Variants in RBFOX1 observed in about 807,000 individuals in gnomAD.
RBFOX1 encodes the protein RNA binding protein fox-1 homolog 1.
In RBFOX1, 8 loss-of-function variants were observed where a neutral mutation model predicts 57.7. The ratio of observed to expected loss-of-function variants is 0.14; its 90% CI spans 0.08 to 0.25. The LOEUF (loss-of-function observed/expected upper bound fraction) is 0.25, where lower values mean the gene tolerates loss of function less well. Among genes scored for constraint, RBFOX1 ranks in the 10% least tolerant of loss-of-function variants. RBFOX1 has a pLI of 1.00. For synonymous variants in RBFOX1, 326 were observed against 222.4 expected (o/e 1.47, Z -4.15); for missense variants, 611 against 548.5 (o/e 1.11, Z -1.14).
chr16:6,532,726 C>T (rs1261004375), intron 2 of RBFOX1, among the ~76,000 whole-genome samples: 2 of 152,128 alleles, frequency 1.3e-5, no homozygotes, highest in Non-Finnish European at 2.9e-5. Context: ...GACTCCATTC[C>T]CATTTGTCTG....
rs1168243107 is a variant in RBFOX1 at position 6,464,202 on chromosome 16, A to G, written c.-64+147145A>G. 2.0e-5 allele frequency among the ~76,000 whole-genome samples: 3 copies of G among 152,234 alleles called. No homozygotes were observed. In the South Asian group the frequency reaches 6.2e-4, roughly 32 times the overall value. On this transcript the variant is annotated intron_variant, in intron 2 of 15. Coordinates refer to ENST00000550418, the MANE Select transcript of RBFOX1 (RefSeq NM_018723.4). ...ATGAGATGCGATCTTTACAACTTGA[A>G]TTGGCAAAGATTAACAAGTTGCTAA...
chr16:7,127,741 C>A (rs1227556821), intron 4 of RBFOX1, among the ~76,000 whole-genome samples: 1 of 152,176 alleles, frequency 6.6e-6, no homozygotes, highest in Non-Finnish European at 1.5e-5. Flanking sequence ...GAGCTTTTAT[C>A]TTCTGCATTC....
intron 4 of RBFOX1, among the ~76,000 whole-genome samples, chr16:7,300,057 C>G (rs2095994840): frequency 6.6e-6 from 1 of 152,100 alleles, no homozygotes; most frequent in South Asian, 2.1e-4. Context: ...TGCATTTTTT[C>G]AGAGCAAGTG....
chr16:7,532,558 A>G (rs1427803279), intron 5 of RBFOX1, among the ~76,000 whole-genome samples: 1 of 152,166 alleles, frequency 6.6e-6, no homozygotes, highest in African/African-American at 2.4e-5. Context: ...CTCCTTGCCT[A>G]GTCTAGCTGT....
At chr16:5,938,734 C>T (rs1207263544) in intron 4 of RBFOX1, among the ~76,000 whole-genome samples, 1 of 152,168 alleles carries the variant, frequency 6.6e-6, no homozygotes, top group East Asian at 1.9e-4. Flanking sequence ...GTGACACCAT[C>T]ACAACCTCCA....
chr16:7,190,350 G>T (rs771191797), intron 4 of RBFOX1, among the ~76,000 whole-genome samples: 1 of 152,030 alleles, frequency 6.6e-6, no homozygotes, highest in African/African-American at 2.4e-5. Context: ...CAGAGACTCC[G>T]CCTCAAACAT....
intron 3 of RBFOX1, among the ~76,000 whole-genome samples, chr16:5,619,082 T>G (rs1383487223): frequency 6.6e-6 from 1 of 152,202 alleles, no homozygotes; most frequent in Non-Finnish European, 1.5e-5. Flanking sequence ...CACCGTAGTT[T>G]GTGCCTGATT....
At chr16:5,470,992 C>T (rs1222867679) in intron 2 of RBFOX1, among the ~76,000 whole-genome samples, 1 of 152,148 alleles carries the variant, frequency 6.6e-6, no homozygotes, top group Admixed American at 6.5e-5. Context: ...GCTGGGATGA[C>T]AGGTGCCTGC....
chr16:5,956,061 A>G (rs952908997), intron 4 of RBFOX1, among the ~76,000 whole-genome samples: 7 of 152,112 alleles, frequency 4.6e-5, no homozygotes, highest in African/African-American at 1.4e-4. Flanking sequence ...CAAGATCACA[A>G]GAGCAGGAGT....
At chr16:5,871,877 G>A (rs889034840) in intron 4 of RBFOX1, among the ~76,000 whole-genome samples, 1 of 152,108 alleles carries the variant, frequency 6.6e-6, no homozygotes, top group East Asian at 1.9e-4. Context: ...CAAAGCAATC[G>A]AACTGAGATT....
At chr16:7,534,683 G>A (rs2048093) in intron 5 of RBFOX1, among the ~76,000 whole-genome samples, 81,156 of 152,032 alleles carry the variant, frequency 0.53, 26,316 homozygotes, top group Non-Finnish European at 0.74. Context: ...AATGTATTTA[G>A]CCGGGGGAAT....
intron 3 of RBFOX1, among the ~76,000 whole-genome samples, chr16:6,802,471 G>A (rs929435696): frequency 1.4e-4 from 21 of 152,152 alleles, no homozygotes; most frequent in African/African-American, 5.1e-4. Context: ...GAGGTCAGGA[G>A]TTTGAGACCA....
chr16:5,808,634 C>T lies in RBFOX1; in HGVS notation c.319-58669C>T, dbSNP rs534972437. On this transcript the variant is annotated intron_variant, in intron 3 of 19. Transcript: ENST00000641259. ...TAGTTCTCCTTGAAGAGGTCCTTTA[C>T]GTCCCTTGTAAGTTGGATTCCTAGG... 4.4e-4 allele frequency among the ~76,000 whole-genome samples: 67 copies of T among 152,244 alleles called. 1 individual carries two copies. In the East Asian group the frequency reaches 0.011, roughly 25 times the overall value.
At chr16:6,503,205 A>AT (rs1046942525) in intron 2 of RBFOX1, among the ~76,000 whole-genome samples, 3 of 33,804 alleles carry the variant, frequency 8.9e-5, no homozygotes, top group South Asian at 1.3e-3. Context: ...TTTTCATAAC[A>AT]TTTTTTTAAT....
Position 6,522,154 on chromosome 16 carries a change from A to AGTGTGTGTGT in RBFOX1, c.-63-132416_-63-132407dup, listed in dbSNP as rs35360830. Among the ~76,000 whole-genome samples the AGTGTGTGTGT allele has an allele frequency of 3.3e-3, 465 of 142,844 alleles. 5 individuals carry two copies. Among genetic ancestry groups the AGTGTGTGTGT allele is most frequent in the African/African-American group, 0.01 (398 of 38,530 alleles). The allele number at this position is 142,844 out of a possible 152,430, so 93.7% of individuals were successfully genotyped here. On this transcript the variant is annotated intron_variant, in intron 2 of 15. Transcript: ENST00000550418. ...TTTTAATGGCACTCTGGGGACCCAC[A>AGTGTGTGTGT]GTGTGTGTGTGTGTGTGTGTGTGTG...
chr16:5,650,324 G>T (rs527696788), intron 3 of RBFOX1, among the ~76,000 whole-genome samples: 1 of 152,092 alleles, frequency 6.6e-6, no homozygotes, highest in Admixed American at 6.5e-5. Context: ...AGGCAGCCAC[G>T]GCGGTGGTGG....
intron 4 of RBFOX1, among the ~76,000 whole-genome samples, chr16:7,199,518 G>T (rs532236993): frequency 1.3e-5 from 2 of 152,280 alleles, no homozygotes; most frequent in South Asian, 4.1e-4. Context: ...TGTCATTGCT[G>T]TGTATACTCA....
chr16:6,322,444 G>T (rs1453709400), intron 2 of RBFOX1, among the ~76,000 whole-genome samples: 1 of 151,960 alleles, frequency 6.6e-6, no homozygotes, highest in Non-Finnish European at 1.5e-5. Context: ...CACCAGTTGG[G>T]ATAGCCTTTC....
At chr16:6,848,491 A>T (rs529214071) in intron 3 of RBFOX1, among the ~76,000 whole-genome samples, 1 of 152,110 alleles carries the variant, frequency 6.6e-6, no homozygotes, top group Non-Finnish European at 1.5e-5. Flanking sequence ...TGAAGGCACT[A>T]TTTGCTATTT....
Sources: gnomAD v4.1 joint callset for allele counts (sites outside exome capture counted in the v4.1 genomes callset) on GRCh38, gnomAD v4.1.1 for gene constraint, MANE v1.5 for transcripts, NCBI Gene and HGNC (gene_info 2026-07-23, HGNC 2026-07-21) for gene names.